SAMD8: variants seen among roughly 807,000 people sequenced by gnomAD.
SAMD8 encodes the protein sphingomyelin synthase-related protein 1.
SAMD8 carries 20 observed loss-of-function variants against 42.0 expected under a neutral mutation model. That is an observed-to-expected ratio of 0.48 (90% confidence interval 0.34 to 0.69). The LOEUF is 0.69. Ranked by LOEUF, SAMD8 falls within the 30% of genes least tolerant of loss-of-function variation. The probability of loss-of-function intolerance (pLI) is 0.01; values close to 1 mark genes in which losing one functional copy is unlikely to be tolerated. For synonymous variants in SAMD8, 162 were observed against 173.0 expected (o/e 0.94, Z 0.50); for missense variants, 328 against 511.6 (o/e 0.64, Z 3.46).
chr10:75,170,470 A>G (rs1840824278), intron 4 of SAMD8, among the ~76,000 whole-genome samples: 1 of 152,220 alleles, frequency 6.6e-6, no homozygotes, highest in Admixed American at 6.5e-5. Flanking sequence ...CTGACCAGTA[A>G]GAAAGGGGGA....
At chr10:75,141,230 T>C (rs1840005684) in intron 1 of SAMD8, among the ~76,000 whole-genome samples, 1 of 151,956 alleles carries the variant, frequency 6.6e-6, no homozygotes, top group Admixed American at 6.6e-5. Context: ...CGCATGCACC[T>C]GTGGTCCCAG....
At position 75,120,129 on chromosome 10, in the gene SAMD8, A is replaced by G. The variant is rs573971990; in HGVS notation, c.-16+8407A>G. Among the ~76,000 whole-genome samples the G allele has an allele frequency of 5.3e-5, 8 of 152,336 alleles. No homozygotes were observed. In the South Asian group the frequency reaches 1.7e-3, roughly 32 times the overall value. On this transcript the variant is annotated intron_variant, in intron 1 of 5. Coordinates refer to ENST00000542569, the MANE Select transcript of SAMD8 (RefSeq NM_001174156.2). Reference sequence around the variant, plus strand: ...CTATTTTGGTCTCTTGTGTGTTGGTATAATTAAGCCCAGTGGAATAGCTGT... The same window carrying G: ...CTATTTTGGTCTCTTGTGTGTTGGTGTAATTAAGCCCAGTGGAATAGCTGT...
At chr10:75,144,727 A>G (rs1840095825) in intron 1 of SAMD8, among the ~76,000 whole-genome samples, 1 of 152,010 alleles carries the variant, frequency 6.6e-6, no homozygotes, top group African/African-American at 2.4e-5. Flanking sequence ...GCGCGATCTC[A>G]GTCCACTGCA....
intron 1 of SAMD8, among the ~76,000 whole-genome samples, chr10:75,128,306 C>T (rs1049297733): frequency 6.6e-6 from 1 of 152,104 alleles, no homozygotes; most frequent in Non-Finnish European, 1.5e-5. Flanking sequence ...CTCCTGACCT[C>T]AAGTGATCCA....
At chr10:75,110,251 GCTAA>G (rs773252068), upstream of SAMD8, among the ~76,000 whole-genome samples, 8 of 152,220 alleles carry the variant, frequency 5.3e-5, no homozygotes, top group African/African-American at 9.7e-5. Flanking sequence ...AGCCAAAGGG[GCTAA>G]CTGTCATCAG....
intron 1 of SAMD8, among the ~76,000 whole-genome samples, chr10:75,148,371 T>TTTTTTTTTTTTTAA: frequency 9.0e-6 from 1 of 111,540 alleles, no homozygotes; most frequent in Non-Finnish European, 1.8e-5. Flanking sequence ...TTTTTTTTTT[T>TTTTTTTTTTTTTAA]GAGACAGAGT....
At position 75,176,695 on chromosome 10, in the gene SAMD8, A is replaced by T; in HGVS notation, c.*3A>T. 1 of 1,499,106 alleles carries T rather than the reference A, an allele frequency of 6.7e-7. No homozygotes were observed. Among genetic ancestry groups the T allele is most frequent in the Non-Finnish European group, 8.9e-7 (1 of 1,121,120 alleles). The allele number at this position is 1,499,106 out of a possible 1,614,324, so 92.9% of individuals were successfully genotyped here. On this transcript the variant is annotated 3_prime_UTR_variant, in exon 6 of 6. Coordinates refer to ENST00000542569, the MANE Select transcript of SAMD8 (RefSeq NM_001174156.2). This position sits in a 1 kb window ranked among gnomAD's most constrained non-coding sequence, Gnocchi z 4.3. ...TAATGAAAAGACTAATTGGATGAAT[A>T]CTATCTTTCTAATGAATTTGTGATT... is the stretch of plus-strand genomic sequence containing the variant.
intron 1 of SAMD8, among the ~76,000 whole-genome samples, chr10:75,106,333 C>T (rs1448859582): frequency 6.6e-6 from 1 of 151,952 alleles, no homozygotes; most frequent in Admixed American, 6.6e-5. Context: ...CATGGAGGAA[C>T]TTGCAGTTCC....
chr10:75,171,380 G>T (rs1358103917), intron 4 of SAMD8, among the ~76,000 whole-genome samples: 1 of 150,640 alleles, frequency 6.6e-6, no homozygotes, highest in Non-Finnish European at 1.5e-5. Flanking sequence ...TGTTAGCCAG[G>T]ATGGTCTCGA....
chr10:75,134,630 C>T (rs1481141614), intron 1 of SAMD8, among the ~76,000 whole-genome samples: 1 of 148,442 alleles, frequency 6.7e-6, no homozygotes, highest in Non-Finnish European at 1.5e-5. Flanking sequence ...GTGAGACTTT[C>T]CCCCCCCCAA....
rs553123457 is a variant in SAMD8, at chr10:75,101,752, T to C, written c.-16+2024T>C. On this transcript the variant is annotated intron_variant, in intron 1 of 3. Coordinates refer to the SAMD8 transcript ENST00000447533. The stretch of plus-strand genomic sequence containing the variant: ...CCTTCATCTCTGACCCAGTCGGTTC[T>C]CTACCCAACCCAAACCCCACCCCTC... 72 of 656,820 alleles carry C rather than the reference T, an allele frequency of 1.1e-4. No homozygotes were observed. The Admixed American group carries it at 1.6e-3, about 15-fold the overall frequency. The allele number at this position is 656,820 out of a possible 1,614,324, so 40.7% of individuals were successfully genotyped here. A position where few individuals can be genotyped will look rare whatever the true frequency, so the allele number is the denominator to read the frequency against.
At chr10:75,101,046 C>T (rs1273010064) in intron 1 of SAMD8, among the ~76,000 whole-genome samples, 2 of 152,234 alleles carry the variant, frequency 1.3e-5, no homozygotes. Context: ...GGCCACAGGC[C>T]ATGTGGGGCT....
intron 1 of SAMD8, among the ~76,000 whole-genome samples, chr10:75,143,631 T>G (rs574884648): frequency 6.6e-6 from 1 of 152,288 alleles, no homozygotes; most frequent in South Asian, 2.1e-4. Context: ...AGAAATCTCT[T>G]ATCATTCTTA....
At chr10:75,099,763 C>T (rs1848020527) in intron 1 of SAMD8, 1 of 227,014 alleles carries the variant, frequency 4.4e-6, no homozygotes, top group African/African-American at 2.3e-5. Flanking sequence ...GGAGGAGAGC[C>T]TGGCTCCCCC....
intron 1 of SAMD8, among the ~76,000 whole-genome samples, chr10:75,116,896 G>A (rs1367391672): frequency 6.6e-6 from 1 of 151,734 alleles, no homozygotes; most frequent in Admixed American, 6.6e-5. Flanking sequence ...AGCAACCTTC[G>A]CCTCCCGGGT....
intron 2 of SAMD8, among the ~76,000 whole-genome samples, chr10:75,152,546 AAAG>A (rs1840316153): frequency 6.7e-6 from 1 of 149,702 alleles, no homozygotes; most frequent in South Asian, 2.1e-4. Flanking sequence ...GAAAAAAAAA[AAAG>A]AAAAATAAGA....
chr10:75,139,490 A>G (rs1483400024), intron 1 of SAMD8, among the ~76,000 whole-genome samples: 1 of 152,202 alleles, frequency 6.6e-6, no homozygotes, highest in Non-Finnish European at 1.5e-5. Context: ...CATACAATGG[A>G]ATGTTTTAAA....
intron 1 of SAMD8, among the ~76,000 whole-genome samples, chr10:75,116,600 T>G (rs1848886663): frequency 6.6e-6 from 1 of 152,218 alleles, no homozygotes; most frequent in Non-Finnish European, 1.5e-5. Context: ...TTGGAAATAC[T>G]TGCAAATCTG....
upstream of SAMD8, chr10:75,111,546 A>G (rs1001005490): frequency 6.4e-6 from 8 of 1,241,196 alleles, no homozygotes; most frequent in African/African-American, 4.7e-5. Flanking sequence ...GGCGGCCGGG[A>G]CGATGCCTGC....
Sources: allele counts gnomAD v4.1 joint callset (sites outside exome capture counted in the v4.1 genomes callset), GRCh38; gene constraint gnomAD v4.1.1; non-coding constraint Gnocchi (gnomAD v3.1); transcripts MANE v1.5; gene names NCBI Gene and HGNC (gene_info 2026-07-23, HGNC 2026-07-21).